The following GRIN2A variants were observed in gnomAD, a reference collection of about 807,000 sequenced individuals.
The protein encoded by GRIN2A is glutamate receptor ionotropic, NMDA 2A.
A neutral mutation model predicts 113.4 loss-of-function variants in GRIN2A; 22 were observed. The observed-to-expected ratio is 0.19, with a 90% CI of 0.14 to 0.28. GRIN2A has a LOEUF of 0.28. GRIN2A is among the 10% of genes least tolerant of loss of function. The probability of loss-of-function intolerance (pLI) is 1.00; values close to 1 mark genes in which losing one functional copy is unlikely to be tolerated. For synonymous variants in GRIN2A, 827 were observed against 738.4 expected, an observed-to-expected ratio of 1.12 and a Z score of -1.94; for missense variants, 1,502 against 1,887.0, an observed-to-expected ratio of 0.80 and a Z score of 3.78.
Position 9,768,840 on chromosome 16 carries a change from G to T in GRIN2A, c.2595+11C>A, listed in dbSNP as rs768282034. Reference sequence around the variant, plus strand: ...TTGCAGTGCAAGAAAGTAGCCACCCGGTGTACTGACCCTGCTGATGGAGAA... The same window carrying T: ...TTGCAGTGCAAGAAAGTAGCCACCCTGTGTACTGACCCTGCTGATGGAGAA... On this transcript the variant is annotated intron_variant, in intron 12 of 12. Transcript: ENST00000330684. 1 of 1,589,402 alleles carries T rather than the reference G, an allele frequency of 6.3e-7. No homozygotes were observed. Among genetic ancestry groups the T allele is most frequent in the Non-Finnish European group, 8.6e-7 (1 of 1,157,458 alleles).
chr16:9,834,361 G>T (rs1007255446), intron 7 of GRIN2A, 131 bp from the exon 8 acceptor site: 1 of 816,552 alleles, frequency 1.2e-6, no homozygotes, highest in South Asian at 1.5e-5. Flanking sequence ...TCCTTCAAAA[G>T]AAGCTAATCA....
At position 9,763,568 on chromosome 16, in the gene GRIN2A, C is replaced by G. The variant is rs1268143219; in HGVS notation, c.3976G>C (p.Gly1326Arg). The G allele has an allele frequency of 6.2e-7, 1 of 1,613,836 alleles. No homozygotes were observed. Among genetic ancestry groups the G allele is most frequent in the Non-Finnish European group, 8.5e-7 (1 of 1,179,972 alleles). ...RERLLEGNFYGSLFSVPSSKL... is the reference protein window; with the variant it reads ...RERLLEGNFYRSLFSVPSSKL... ...CTTGAGGGGACACTAAACAGGCTGC[C>G]GTAAAAATTTCCCTCCAGAAGCCGT... The change falls in exon 13 of 13, where the codon GGC (glycine) becomes CGC (arginine). Residue 1326 changes from glycine to arginine, a missense_variant. Coordinates refer to ENST00000330684, the MANE Select transcript of GRIN2A (RefSeq NM_001134407.3).
intron 4 of GRIN2A, among the ~76,000 whole-genome samples, chr16:9,852,395 T>C (rs78790215): frequency 0.022 from 3,348 of 152,318 alleles, 43 homozygotes; most frequent in East Asian, 0.055. Context: ...GAATCTTTGG[T>C]GATGTCATTG....
At chr16:9,784,451 A>G (rs1902106653) in intron 11 of GRIN2A, among the ~76,000 whole-genome samples, 1 of 148,888 alleles carries the variant, frequency 6.7e-6, no homozygotes. Flanking sequence ...CAAAAAAAAA[A>G]AACAAACAAA....
rs531745931 is a variant in GRIN2A at position 10,021,413 on chromosome 16, A to C, written c.415-82862T>G. Among the ~76,000 whole-genome samples the C allele has an allele frequency of 1.0e-3, 156 of 152,322 alleles. 1 individual carries two copies. Among genetic ancestry groups the C allele is most frequent in the African/African-American group, 3.6e-3 (150 of 41,588 alleles). On this transcript the variant is annotated intron_variant, in intron 2 of 12. Coordinates refer to ENST00000330684, the MANE Select transcript of GRIN2A (RefSeq NM_001134407.3). ...AGGTGAAGGGCTTGCCCAATATCCC[A>C]GCAGCTGGTAAGTGTTGGAGCCAGA...
chr16:10,006,371 G>A (rs539582817), intron 2 of GRIN2A, among the ~76,000 whole-genome samples: 2 of 152,234 alleles, frequency 1.3e-5, no homozygotes, highest in South Asian at 2.1e-4. Flanking sequence ...AGACAAAATG[G>A]GCCATGAGAT....
chr16:10,037,014 T>C (rs12444387), intron 2 of GRIN2A: 32,313 of 152,080 alleles, frequency 0.21, 4,157 homozygotes, highest in East Asian at 0.52. Context: ...ATGACACCTC[T>C]GATCCCAGGA....
At chr16:10,154,249 C>A (rs1220544244) in intron 2 of GRIN2A, among the ~76,000 whole-genome samples, 1 of 152,200 alleles carries the variant, frequency 6.6e-6, no homozygotes, top group Non-Finnish European at 1.5e-5. Flanking sequence ...GTAGCCAACC[C>A]TCGGTGGGCA....
chr16:10,127,649 C>T (rs2048970085), intron 2 of GRIN2A, among the ~76,000 whole-genome samples: 1 of 152,128 alleles, frequency 6.6e-6, no homozygotes, highest in South Asian at 2.1e-4. Flanking sequence ...CCACTGTATC[C>T]CTAGCAACTA....
intron 2 of GRIN2A, among the ~76,000 whole-genome samples, chr16:10,011,461 G>A (rs921045076): frequency 6.6e-5 from 10 of 152,154 alleles, no homozygotes; most frequent in Admixed American, 3.9e-4. Flanking sequence ...CAGTCTACGT[G>A]TCTACTCTCC....
chr16:9,921,779 A>G (rs1020645187), intron 3 of GRIN2A, among the ~76,000 whole-genome samples: 3 of 152,192 alleles, frequency 2.0e-5, no homozygotes. Context: ...AATAACCACA[A>G]AGAACCTAGA....
chr16:9,941,588 G>A (rs534827654), intron 2 of GRIN2A, among the ~76,000 whole-genome samples: 7 of 152,250 alleles, frequency 4.6e-5, no homozygotes, highest in African/African-American at 1.4e-4. Context: ...CCCATTCGCA[G>A]CCTCTCTGCA....
At chr16:10,039,323 G>A (rs1027051939) in intron 2 of GRIN2A, among the ~76,000 whole-genome samples, 1 of 152,170 alleles carries the variant, frequency 6.6e-6, no homozygotes, top group South Asian at 2.1e-4. Flanking sequence ...CATTCGTAGC[G>A]GGGGCAGGGA....
In GRIN2A at chr16:9,763,721, T is replaced by G; in HGVS notation, c.3823A>C (p.Asn1275His). 2 of 1,614,058 alleles carry G rather than the reference T, an allele frequency of 1.2e-6. No individual in the cohort carries two copies. The highest frequency in any genetic ancestry group is 8.5e-7 in the Non-Finnish European group (1 of 1,179,956). The stretch of plus-strand genomic sequence containing the variant: ...TTGTTCTTTTGTAATTGAAGGGCAT[T>G]GTTCTGTGCCCAGTCCTGCTGGTAG... The part of the protein sequence containing the change: ...QVYQQDWAQN[N>H]ALQLQKNKLR... Residue 1275 changes from asparagine to histidine, a missense_variant, in exon 13 of 13, where the codon AAT (asparagine) becomes CAT (histidine). This residue lies in a region of GRIN2A where 832 missense variants were observed against 789.7 expected (regional missense o/e 1.05). Coordinates refer to ENST00000330684, the MANE Select transcript of GRIN2A (RefSeq NM_001134407.3).
At chr16:9,827,833 G>T (rs745440964) in intron 9 of GRIN2A, among the ~76,000 whole-genome samples, 1 of 152,128 alleles carries the variant, frequency 6.6e-6, no homozygotes, top group African/African-American at 2.4e-5. Flanking sequence ...CCTCCAAAGT[G>T]CAAAATAACT....
chr16:9,974,055 C>T (rs1185472011), intron 2 of GRIN2A, among the ~76,000 whole-genome samples: 1 of 152,114 alleles, frequency 6.6e-6, no homozygotes, highest in Non-Finnish European at 1.5e-5. Context: ...AATACATATG[C>T]ATGTGACTAT....
At chr16:10,056,857 C>T (rs559084358) in intron 2 of GRIN2A, among the ~76,000 whole-genome samples, 72 of 152,280 alleles carry the variant, frequency 4.7e-4, no homozygotes, top group African/African-American at 1.7e-3. Flanking sequence ...GCCTCTAGAA[C>T]TGTGATATAA....
At chr16:9,766,342 C>T (rs1900921037) in intron 12 of GRIN2A, among the ~76,000 whole-genome samples, 1 of 152,194 alleles carries the variant, frequency 6.6e-6, no homozygotes, top group Non-Finnish European at 1.5e-5. Flanking sequence ...GTGACAGCCT[C>T]AACTCATTTT....
intron 4 of GRIN2A, among the ~76,000 whole-genome samples, chr16:9,890,196 CA>C (rs1420974984): frequency 2.0e-5 from 3 of 152,220 alleles, no homozygotes; most frequent in East Asian, 1.9e-4. Flanking sequence ...AAAAACATAA[CA>C]AAAAAATAAG....
Sources: gnomAD v4.1 joint callset for allele counts (sites outside exome capture counted in the v4.1 genomes callset) on GRCh38, gnomAD v4.1.1 for gene constraint, gnomAD v4.1.1 regional missense constraint, MANE v1.5 for transcripts, NCBI Gene and HGNC (gene_info 2026-07-23, HGNC 2026-07-21) for gene names.